PEPD: variants seen among roughly 807,000 people sequenced by gnomAD.
PEPD encodes the protein xaa-Pro dipeptidase.
A neutral mutation model predicts 60.7 loss-of-function variants in PEPD; 53 were observed. The ratio of observed to expected loss-of-function variants is 0.87; its 90% CI spans 0.70 to 1.10. The LOEUF (loss-of-function observed/expected upper bound fraction) is 1.10. Ranked by LOEUF, PEPD falls within the 50% of genes least tolerant of loss-of-function variation. PEPD has a pLI of 0.00. For missense variants in PEPD, 711 were observed against 711.9 expected, an observed-to-expected ratio of 1.00 and a Z score of 0.01; for synonymous variants, 267 against 284.1, an observed-to-expected ratio of 0.94 and a Z score of 0.60.
intron 6 of PEPD, among the ~76,000 whole-genome samples, chr19:33,481,891 C>T: frequency 6.6e-6 from 1 of 151,702 alleles, no homozygotes; most frequent in Non-Finnish European, 1.5e-5. Flanking sequence ...CGTGATGGTG[C>T]ACACGTGTAA....
At chr19:33,388,115 A>C in intron 13 of PEPD, 34 bp from the exon 14 acceptor site, 2 of 1,520,822 alleles carry the variant, frequency 1.3e-6, no homozygotes, top group Non-Finnish European at 8.9e-7. Flanking sequence ...CCTGATGAGC[A>C]GCTCCAGGGC....
chr19:33,517,995 A>C (rs1971055969), intron 1 of PEPD, among the ~76,000 whole-genome samples: 1 of 150,640 alleles, frequency 6.6e-6, no homozygotes, highest in Admixed American at 6.6e-5. Flanking sequence ...ACTTCTAGAC[A>C]GGGTCACACC....
chr19:33,507,263 G>A lies in PEPD; in HGVS notation c.329+3765C>T, dbSNP rs150248105. ...TCTGGGCTCCGAAGCTGCCTGGGGC[G>A]CTGACTCACAGAGGCCCACAGCCAA... On this transcript the variant is annotated intron_variant, in intron 3 of 14. Transcript: ENST00000244137. 4.3e-4 allele frequency among the ~76,000 whole-genome samples: 65 copies of A among 152,238 alleles called. 1 individual carries two copies. In the East Asian group the frequency reaches 0.011, roughly 26 times the overall value.
chr19:33,519,135 T>A (rs1745799579), intron 1 of PEPD, among the ~76,000 whole-genome samples: 2 of 152,048 alleles, frequency 1.3e-5, no homozygotes, highest in South Asian at 4.2e-4. Flanking sequence ...TGCCACCAAG[T>A]GCCATGGGAT....
intron 6 of PEPD, among the ~76,000 whole-genome samples, chr19:33,485,491 T>TAAAAAAAAA (rs908651690): frequency 1.3e-4 from 14 of 110,936 alleles, no homozygotes; most frequent in African/African-American, 1.5e-4. Context: ...AGACTCTGTC[T>TAAAAAAAAA]AAAAAAAAAA....
intron 11 of PEPD, among the ~76,000 whole-genome samples, chr19:33,410,168 T>C (rs965214627): frequency 6.6e-6 from 1 of 152,208 alleles, no homozygotes; most frequent in African/African-American, 2.4e-5. Flanking sequence ...TCCACTGGCC[T>C]GCCTCCGCTT....
At chr19:33,518,425 C>T (rs1971065188) in intron 1 of PEPD, among the ~76,000 whole-genome samples, 1 of 152,174 alleles carries the variant, frequency 6.6e-6, no homozygotes, top group Non-Finnish European at 1.5e-5. Context: ...GTGAATTCTG[C>T]AGAAGACTCT....
At chr19:33,486,536 G>A (rs1397786823) in intron 6 of PEPD, among the ~76,000 whole-genome samples, 1 of 151,992 alleles carries the variant, frequency 6.6e-6, no homozygotes, top group Non-Finnish European at 1.5e-5. Context: ...CTCTCTGGCC[G>A]TGTGCATGCC....
chr19:33,457,410 G>A (rs75304640), intron 9 of PEPD, among the ~76,000 whole-genome samples: 13,050 of 152,208 alleles, frequency 0.086, 757 homozygotes, highest in Admixed American at 0.18. Context: ...TCCTCTCTGC[G>A]GCCCCACGCC....
rs548059468 is a variant in PEPD at position 33,494,526 on chromosome 19, C to G, written c.394-1189G>C. Among the ~76,000 whole-genome samples, 9 of 152,314 alleles carry G rather than the reference C, an allele frequency of 5.9e-5. 1 individual carries two copies. The highest frequency in any genetic ancestry group is 1.9e-4 in the African/African-American group (8 of 41,552). ...GACATTTTAGCTTTGCTCATAAAAA[C>G]AGAGATCTGTAATGACATTTGGATC... On this transcript the variant is annotated intron_variant, in intron 4 of 14. Coordinates refer to ENST00000244137, the MANE Select transcript of PEPD (RefSeq NM_000285.4).
At chr19:33,387,529 C>T in intron 14 of PEPD, 48 bp from the exon 15 acceptor site, 1 of 1,610,002 alleles carries the variant, frequency 6.2e-7, no homozygotes, top group East Asian at 2.2e-5. Context: ...GCCTCATGTG[C>T]CAGGCTAGAG....
intron 10 of PEPD, among the ~76,000 whole-genome samples, chr19:33,412,102 G>T (rs575180848): frequency 1.3e-5 from 2 of 152,326 alleles, no homozygotes; most frequent in Admixed American, 1.3e-4. Context: ...CCAGCACTTT[G>T]GGAGGCCAAG....
intron 12 of PEPD, among the ~76,000 whole-genome samples, chr19:33,401,036 G>A (rs1327706905): frequency 6.6e-6 from 1 of 152,196 alleles, no homozygotes; most frequent in Non-Finnish European, 1.5e-5. Flanking sequence ...ACGGCGCGCG[G>A]TGGGAGGTCA....
rs1968089364 is a variant in PEPD at position 33,387,177 on chromosome 19, G to GTGTT, written c.*163_*166dup. The GTGTT allele has an allele frequency of 1.4e-6, 1 of 721,504 alleles. No homozygotes were observed. The highest frequency in any genetic ancestry group is 2.6e-5 in the Admixed American group (1 of 38,172). The allele number at this position is 721,504 out of a possible 1,614,324, so 44.7% of individuals were successfully genotyped here. A position where few individuals can be genotyped will look rare whatever the true frequency, so the allele number is the denominator to read the frequency against. On this transcript the variant is annotated 3_prime_UTR_variant, in exon 15 of 15. Transcript: ENST00000244137. The stretch of plus-strand genomic sequence containing the variant: ...AGCCTGCAAAAGGGTAATTAAAAAA[G>GTGTT]TGTTTCCTCCCCGGGAAACAGCACT...
At chr19:33,450,621 T>C (rs1025238567) in intron 9 of PEPD, among the ~76,000 whole-genome samples, 2 of 152,116 alleles carry the variant, frequency 1.3e-5, no homozygotes, top group Non-Finnish European at 2.9e-5. Flanking sequence ...TGGTACAAAA[T>C]TGAGGTCCAC....
chr19:33,484,031 A>C (rs1174539460), intron 6 of PEPD, among the ~76,000 whole-genome samples: 1 of 152,162 alleles, frequency 6.6e-6, no homozygotes. Context: ...GGGCAGGGAC[A>C]GGGGAGAGAA....
intron 5 of PEPD, among the ~76,000 whole-genome samples, chr19:33,491,629 T>G (rs1378590873): frequency 2.0e-5 from 3 of 152,248 alleles, no homozygotes; most frequent in African/African-American, 7.2e-5. Context: ...CCTACTGCTG[T>G]GTCCGGTTTC....
intron 9 of PEPD, among the ~76,000 whole-genome samples, chr19:33,442,012 C>G (rs910331660): frequency 6.6e-6 from 1 of 152,202 alleles, no homozygotes; most frequent in African/African-American, 2.4e-5. Flanking sequence ...GGCCAAAGAT[C>G]AGGGTTCAAA....
intron 4 of PEPD, among the ~76,000 whole-genome samples, chr19:33,495,004 C>T (rs934122536): frequency 1.3e-5 from 2 of 151,428 alleles, no homozygotes; most frequent in Non-Finnish European, 2.9e-5. Context: ...GATGTGGTGG[C>T]GGGTGCCTGT....
Sources: allele counts gnomAD v4.1 joint callset (sites outside exome capture counted in the v4.1 genomes callset), GRCh38; gene constraint gnomAD v4.1.1; transcripts MANE v1.5; gene names NCBI Gene and HGNC (gene_info 2026-07-23, HGNC 2026-07-21).